The following KIF26B variants were observed in gnomAD, a reference collection of about 807,000 sequenced individuals.
KIF26B encodes kinesin family member 26B.
KIF26B carries 63 observed loss-of-function variants against 151.2 expected under a neutral mutation model. That is an observed-to-expected ratio of 0.42 (90% confidence interval 0.34 to 0.51). The LOEUF (loss-of-function observed/expected upper bound fraction) is 0.51, where lower values mean the gene tolerates loss of function less well. Among genes scored for constraint, KIF26B ranks in the 20% least tolerant of loss-of-function variants. The pLI, the probability that KIF26B is intolerant of heterozygous loss-of-function variation, is 0.07. For missense variants in KIF26B, 2,813 were observed against 2,913.6 expected (o/e 0.97, Z 0.79); for synonymous variants, 1,357 against 1,262.1 (o/e 1.08, Z -1.59).
In KIF26B at chr1:245,190,629, G is replaced by GTTTT. The variant is rs768099890; in HGVS notation, c.465+33947_465+33950dup. ...CTTTTCCTATAAGTTTTCCCTGAAT[G>GTTTT]TTTTGTTTTGTTTTTTTTTTTTTTT... On this transcript the variant is annotated intron_variant, in intron 2 of 14. Transcript: ENST00000407071. Among the ~76,000 whole-genome samples, 286 of 80,018 alleles carry GTTTT rather than the reference G, an allele frequency of 3.6e-3. 15 individuals are homozygous for GTTTT. The highest frequency in any genetic ancestry group is 0.011 in the African/African-American group (252 of 23,650). The allele number at this position is 80,018 out of a possible 152,430, so 52.5% of individuals were successfully genotyped here.
At chr1:245,174,503 T>TGTATGTATGTATGTAC (rs10666741) in intron 2 of KIF26B, among the ~76,000 whole-genome samples, 1 of 150,366 alleles carries the variant, frequency 6.7e-6, no homozygotes, top group Admixed American at 6.6e-5. Flanking sequence ...TATGTACTTA[T>TGTATGTATGTATGTAC]TTATTTATTT....
intron 2 of KIF26B, among the ~76,000 whole-genome samples, chr1:245,232,667 T>C (rs1670022813): frequency 6.6e-6 from 1 of 152,070 alleles, no homozygotes; most frequent in Middle Eastern, 3.4e-3. Flanking sequence ...TCTCCTGTCT[T>C]AGCCTCCCGA....
intron 4 of KIF26B, among the ~76,000 whole-genome samples, chr1:245,503,678 C>T (rs539306985): frequency 2.0e-5 from 3 of 152,178 alleles, no homozygotes; most frequent in South Asian, 2.1e-4. Flanking sequence ...CTGTCCGTAT[C>T]GGAGAGCTGG....
At chr1:245,598,493 G>A (rs1375136464) in intron 5 of KIF26B, among the ~76,000 whole-genome samples, 1 of 152,186 alleles carries the variant, frequency 6.6e-6, no homozygotes, top group Non-Finnish European at 1.5e-5. Flanking sequence ...GCACCATGTG[G>A]CTACGCTCCG....
chr1:245,185,083 T>C (rs1433162202), intron 2 of KIF26B, among the ~76,000 whole-genome samples: 1 of 152,216 alleles, frequency 6.6e-6, no homozygotes, highest in African/African-American at 2.4e-5. Context: ...AATCATTCAA[T>C]TCAAATTTAT....
intron 5 of KIF26B, among the ~76,000 whole-genome samples, chr1:245,555,844 T>TG (rs1330897607): frequency 2.6e-5 from 4 of 152,032 alleles, no homozygotes; most frequent in South Asian, 2.1e-4. Context: ...AATGAGGACT[T>TG]GGGGGGGTTC....
At chr1:245,308,110 G>C (rs10924164) in intron 2 of KIF26B, among the ~76,000 whole-genome samples, 29,763 of 152,060 alleles carry the variant, frequency 0.2, 3,100 homozygotes, top group East Asian at 0.43. Context: ...CCTTCAAGCC[G>C]ATTAAATGGG....
chr1:245,552,652 G>A (rs370785296), intron 5 of KIF26B, among the ~76,000 whole-genome samples: 4 of 144,258 alleles, frequency 2.8e-5, no homozygotes, highest in African/African-American at 8.0e-5. Flanking sequence ...TCACTCTGTC[G>A]CCCAGGCTGG....
chr1:245,193,371 T>C (rs765809484), intron 2 of KIF26B, among the ~76,000 whole-genome samples: 1 of 152,218 alleles, frequency 6.6e-6, no homozygotes, highest in Non-Finnish European at 1.5e-5. Flanking sequence ...GGTAGAATGA[T>C]TTATGTTCCT....
At chr1:245,490,113 C>T (rs531040919) in intron 4 of KIF26B, among the ~76,000 whole-genome samples, 6 of 152,276 alleles carry the variant, frequency 3.9e-5, no homozygotes, top group South Asian at 4.1e-4. Flanking sequence ...TTTCATCTTA[C>T]TTGCCTGGCC....
Position 245,706,056 on chromosome 1 carries a change from G to C in KIF26B, c.*3450G>C, listed in dbSNP as rs1290992881. 6.6e-6 allele frequency: 1 copy of C among 152,216 alleles called. No homozygotes were observed. Among genetic ancestry groups the C allele is most frequent in the Non-Finnish European group, 1.5e-5 (1 of 68,056 alleles). The allele number at this position is 152,216 out of a possible 1,614,324, so 9.4% of individuals were successfully genotyped here. A position where few individuals can be genotyped will look rare whatever the true frequency, so the allele number is the denominator to read the frequency against. On this transcript the variant is annotated 3_prime_UTR_variant, in exon 15 of 15. Coordinates refer to ENST00000407071, the MANE Select transcript of KIF26B (RefSeq NM_018012.4). ...AAGGGGCTCCTCTCATGAGAAGCTG[G>C]GGTAAACAGCCAGGCATCGCAGCGT...
intron 2 of KIF26B, among the ~76,000 whole-genome samples, chr1:245,275,703 T>G (rs563086192): frequency 6.6e-6 from 1 of 152,320 alleles, no homozygotes; most frequent in East Asian, 1.9e-4. Flanking sequence ...TGTTACAGTA[T>G]TATAGTATTC....
At chr1:245,251,794 A>G (rs895106151) in intron 2 of KIF26B, among the ~76,000 whole-genome samples, 1 of 152,212 alleles carries the variant, frequency 6.6e-6, no homozygotes, top group African/African-American at 2.4e-5. Context: ...AAATCTTAAT[A>G]TTTAATAGCA....
intron 2 of KIF26B, among the ~76,000 whole-genome samples, chr1:245,301,940 A>C (rs1414656149): frequency 6.6e-6 from 1 of 152,126 alleles, no homozygotes; most frequent in Non-Finnish European, 1.5e-5. Context: ...TCAACCCCCC[A>C]GTTGTTGTTC....
Position 245,703,185 on chromosome 1 carries a change from A to C in KIF26B, c.*579A>C, listed in dbSNP as rs1207046000. 2.6e-5 allele frequency: 4 copies of C among 152,724 alleles called. No individual in the cohort carries two copies. The highest frequency in any genetic ancestry group is 9.6e-5 in the African/African-American group (4 of 41,462). The allele number at this position is 152,724 out of a possible 1,614,324, so 9.5% of individuals were successfully genotyped here. ...TATTTCTGACTTGCTGTTTCTAAGT[A>C]AGTTGTGTTTGTAGAGCTATTTCTT... On this transcript the variant is annotated 3_prime_UTR_variant, in exon 15 of 15. Transcript: ENST00000407071.
At chr1:245,223,098 G>A (rs899579591) in intron 2 of KIF26B, among the ~76,000 whole-genome samples, 10 of 152,046 alleles carry the variant, frequency 6.6e-5, no homozygotes, top group Non-Finnish European at 1.5e-4. Flanking sequence ...CTGGGATAGG[G>A]TACTACTGAC....
chr1:245,309,412 T>C (rs34597315), intron 2 of KIF26B, among the ~76,000 whole-genome samples: 32,943 of 151,934 alleles, frequency 0.22, 3,792 homozygotes, highest in Admixed American at 0.32. Flanking sequence ...GACTGCTCGA[T>C]CTGGGACATG....
At chr1:245,525,413 A>T (rs1310543585) in intron 4 of KIF26B, among the ~76,000 whole-genome samples, 1 of 152,226 alleles carries the variant, frequency 6.6e-6, no homozygotes, top group Non-Finnish European at 1.5e-5. Context: ...GTTGGACAGG[A>T]TAGAGAGAAA....
Position 245,606,383 on chromosome 1 carries a change from T to C in KIF26B, c.1558-1268T>C, listed in dbSNP as rs1195624336. ...CTGCCCCGAGGGCTGCAAAGCCCCATGTTAGCACTGCCTCCCGGAGCTCCC... is the reference window on the plus strand; with the variant it reads ...CTGCCCCGAGGGCTGCAAAGCCCCACGTTAGCACTGCCTCCCGGAGCTCCC... On this transcript the variant is annotated intron_variant, in intron 6 of 14. Coordinates refer to ENST00000407071, the MANE Select transcript of KIF26B (RefSeq NM_018012.4). The surrounding 1 kb of genome is among the most constrained non-coding windows in gnomAD (Gnocchi z 4.6). 1.3e-5 allele frequency among the ~76,000 whole-genome samples: 2 copies of C among 152,232 alleles called. No individual in the cohort carries two copies. Among genetic ancestry groups the C allele is most frequent in the Non-Finnish European group, 2.9e-5 (2 of 68,042 alleles).
Sources: allele counts gnomAD v4.1 joint callset (sites outside exome capture counted in the v4.1 genomes callset), GRCh38; gene constraint gnomAD v4.1.1; non-coding constraint Gnocchi (gnomAD v3.1); transcripts MANE v1.5; gene names NCBI Gene and HGNC (gene_info 2026-07-23, HGNC 2026-07-21).